Variants in MEP1A observed in about 807,000 individuals in gnomAD.
MEP1A encodes meprin A subunit alpha.
A neutral mutation model predicts 84.5 loss-of-function variants in MEP1A; 68 were observed. That is an observed-to-expected ratio of 0.80 (90% CI 0.66 to 0.98). The LOEUF is 0.98. Among genes scored for constraint, MEP1A ranks in the 50% least tolerant of loss-of-function variants. The pLI, the probability that MEP1A is intolerant of heterozygous loss-of-function variation, is 0.00. For missense variants in MEP1A, 887 were observed against 919.9 expected (o/e 0.96, Z 0.46); for synonymous variants, 337 against 336.8 (o/e 1.00, Z -0.01).
At chr6:46,837,869 T>C (rs1768248882) in intron 13 of MEP1A, among the ~76,000 whole-genome samples, 1 of 151,914 alleles carries the variant, frequency 6.6e-6, no homozygotes, top group Non-Finnish European at 1.5e-5. Flanking sequence ...TCATTCAGGA[T>C]TAGTAAAAGA....
At chr6:46,818,221 A>AT (rs1767685715) in intron 6 of MEP1A, among the ~76,000 whole-genome samples, 1 of 152,188 alleles carries the variant, frequency 6.6e-6, no homozygotes, top group African/African-American at 2.4e-5. Flanking sequence ...AAATTAAAGA[A>AT]TTTTATAGTA....
At chr6:46,832,097 A>G (rs1562116980) in intron 10 of MEP1A, among the ~76,000 whole-genome samples, 1 of 152,216 alleles carries the variant, frequency 6.6e-6, no homozygotes, top group African/African-American at 2.4e-5. Context: ...GTATAGTTCT[A>G]TAAGTAGATA....
At chr6:46,842,618 G>A (rs555941318), downstream of MEP1A, among the ~76,000 whole-genome samples, 157 of 152,226 alleles carry the variant, frequency 1.0e-3, no homozygotes, top group African/African-American at 3.6e-3. Context: ...AAGATAATAC[G>A]TGCACAGTGG....
At chr6:46,814,830 C>T (rs1362496269) in intron 6 of MEP1A, among the ~76,000 whole-genome samples, 3 of 152,068 alleles carry the variant, frequency 2.0e-5, no homozygotes, top group Non-Finnish European at 4.4e-5. Flanking sequence ...CTGGATCTAG[C>T]CACCCAGCAG....
chr6:46,811,969 G>T (rs1278836016), intron 6 of MEP1A, among the ~76,000 whole-genome samples: 1 of 152,028 alleles, frequency 6.6e-6, no homozygotes, highest in Admixed American at 6.6e-5. Flanking sequence ...TGGGTATTAA[G>T]GAGATACTGG....
chr6:46,798,205 T>C (rs1473370712), intron 3 of MEP1A, among the ~76,000 whole-genome samples: 1 of 152,094 alleles, frequency 6.6e-6, no homozygotes, highest in East Asian at 1.9e-4. Context: ...TGACCCCAGG[T>C]GATTCATCCA....
In MEP1A at chr6:46,814,619, T is replaced by C. The variant is rs148578666; in HGVS notation, c.381-4910T>C. 3.8e-3 allele frequency among the ~76,000 whole-genome samples: 580 copies of C among 152,324 alleles called. 10 individuals are homozygous for C. Among genetic ancestry groups the C allele is most frequent in the Middle Eastern group, 0.024 (7 of 294 alleles). On this transcript the variant is annotated intron_variant, in intron 6 of 13. Transcript: ENST00000230588. ...ATGATCTTTTGGCAGTGTTAAAGAA[T>C]CTTGTTTTGACATATCACCAGAATT...
At chr6:46,844,777 C>T (rs2150761975), downstream of MEP1A, among the ~76,000 whole-genome samples, 1 of 152,290 alleles carries the variant, frequency 6.6e-6, no homozygotes, top group Non-Finnish European at 1.5e-5. Flanking sequence ...TTACATTCTC[C>T]TGCTTCCTTT....
At chr6:46,841,931 C>T (rs1768338227), downstream of MEP1A, among the ~76,000 whole-genome samples, 1 of 152,288 alleles carries the variant, frequency 6.6e-6, no homozygotes, top group Non-Finnish European at 1.5e-5. Flanking sequence ...GCTGGAGCCG[C>T]AGCAGAAGAA....
At chr6:46,820,979 T>G (rs1276120568) in intron 7 of MEP1A, among the ~76,000 whole-genome samples, 1 of 152,160 alleles carries the variant, frequency 6.6e-6, no homozygotes, top group South Asian at 2.1e-4. Flanking sequence ...TAGATCCCAA[T>G]TTTATATGCG....
chr6:46,807,569 G>GAAAGAAGGA (rs1562106673), intron 5 of MEP1A, among the ~76,000 whole-genome samples: 3 of 17,710 alleles, frequency 1.7e-4, no homozygotes, highest in African/African-American at 6.8e-4. Flanking sequence ...AGAAAGAAAG[G>GAAAGAAGGA]AAGGAAGGAA....
chr6:46,807,588 G>A (rs1329969303), intron 5 of MEP1A, among the ~76,000 whole-genome samples: 46 of 89,304 alleles, frequency 5.2e-4, no homozygotes, highest in African/African-American at 2.3e-3. Flanking sequence ...AAGGAAGGAA[G>A]GAAGGAAGGA....
intron 13 of MEP1A, among the ~76,000 whole-genome samples, chr6:46,837,844 C>G (rs969214559): frequency 1.4e-4 from 22 of 151,794 alleles, no homozygotes; most frequent in African/African-American, 5.1e-4. Flanking sequence ...AGAGATGAGG[C>G]CTTGGAAGGT....
chr6:46,807,125 T>C (rs923482249), intron 5 of MEP1A, among the ~76,000 whole-genome samples: 8 of 151,898 alleles, frequency 5.3e-5, no homozygotes, highest in African/African-American at 1.9e-4. Context: ...ATGCTTATCT[T>C]CTAATACGTA....
intron 3 of MEP1A, among the ~76,000 whole-genome samples, chr6:46,798,357 G>A (rs552930490): frequency 2.6e-5 from 4 of 152,080 alleles, no homozygotes; most frequent in Non-Finnish European, 1.5e-5. Flanking sequence ...TCTAACTTAT[G>A]TCTTACTTCT....
rs1461319993 is a variant in MEP1A, at chr6:46,807,780, A to AAAGAAAGAAAGG, written c.263-1629_263-1628insGAAGAAAGAAAG. Reference sequence around the variant, plus strand: ...GAAGGAAGGGAGAAAGGAAAGAAAGAAAGAAAGAAAGAAAGAAAGAAAGAA... The same window carrying AAAGAAAGAAAGG: ...GAAGGAAGGGAGAAAGGAAAGAAAGAAAGAAAGAAAGGAAGAAAGAAAGAAAGAAAGAAAGAA... On this transcript the variant is annotated intron_variant, in intron 5 of 13. Transcript: ENST00000230588. Among the ~76,000 whole-genome samples, 437 of 85,566 alleles carry AAAGAAAGAAAGG rather than the reference A, an allele frequency of 5.1e-3. 6 individuals carry two copies. Among genetic ancestry groups the AAAGAAAGAAAGG allele is most frequent in the African/African-American group, 0.015 (411 of 27,092 alleles). 56.1% of individuals were successfully genotyped at this position (85,566 alleles called of 152,430 possible).
At chr6:46,841,271 A>G (rs1768326395), downstream of MEP1A, among the ~76,000 whole-genome samples, 1 of 152,188 alleles carries the variant, frequency 6.6e-6, no homozygotes, top group African/African-American at 2.4e-5. Flanking sequence ...AACCAGCACC[A>G]TGCCTACTAT....
chr6:46,826,564 C>T, intron 9 of MEP1A, 61 bp downstream of exon 9: 1 of 1,326,880 alleles, frequency 7.5e-7, no homozygotes, highest in Non-Finnish European at 9.8e-7. Flanking sequence ...TAGGTTATGC[C>T]AGCCACCATG....
intron 6 of MEP1A, among the ~76,000 whole-genome samples, chr6:46,816,032 G>T (rs1767625935): frequency 6.6e-6 from 1 of 152,060 alleles, no homozygotes; most frequent in Non-Finnish European, 1.5e-5. Context: ...CATCTCCCGG[G>T]CTCAAGCAAT....
Sources: allele counts gnomAD v4.1 joint callset (sites outside exome capture counted in the v4.1 genomes callset), GRCh38; gene constraint gnomAD v4.1.1; transcripts MANE v1.5; gene names NCBI Gene and HGNC (gene_info 2026-07-23, HGNC 2026-07-21).